FGF1: variants seen among roughly 807,000 people sequenced by gnomAD.
The protein encoded by FGF1 is fibroblast growth factor 1, also known as beta-endothelial cell growth factor.
A neutral mutation model predicts 13.4 loss-of-function variants in FGF1; 9 were observed. The ratio of observed to expected loss-of-function variants is 0.67; its 90% confidence interval spans 0.40 to 1.17. The LOEUF (loss-of-function observed/expected upper bound fraction) is 1.17. FGF1 is among the 50% of genes most tolerant of loss of function. The pLI is 0.01. For synonymous variants in FGF1, 93 were observed against 79.0 expected, an observed-to-expected ratio of 1.18 and a Z score of -0.94; for missense variants, 156 against 192.7, an observed-to-expected ratio of 0.81 and a Z score of 1.13.
intron 1 of FGF1, among the ~76,000 whole-genome samples, chr5:142,634,860 A>G (rs1057352588): frequency 6.7e-5 from 10 of 150,278 alleles, no homozygotes; most frequent in African/African-American, 2.0e-4. Flanking sequence ...TGCTTTGGTT[A>G]TTGCTTTTTT....
intron 2 of FGF1, among the ~76,000 whole-genome samples, chr5:142,696,925 C>T (rs983877269): frequency 3.3e-5 from 5 of 152,130 alleles, no homozygotes; most frequent in South Asian, 2.1e-4. Flanking sequence ...GTGATAGTGG[C>T]GTCTATCCAT....
Position 142,600,917 on chromosome 5 carries a change from C to G in FGF1, c.170-112G>C, listed in dbSNP as rs1025556451. The G allele has an allele frequency of 1.7e-4, 119 of 713,830 alleles. No individual in the cohort carries two copies. In the East Asian group the frequency reaches 2.8e-3, roughly 17 times the overall value. 44.2% of individuals were successfully genotyped at this position (713,830 alleles called of 1,614,324 possible). A position where few individuals can be genotyped will look rare whatever the true frequency, so the allele number is the denominator to read the frequency against. ...AATTCTGCTCATTCATTTCACGGAGCCCTCAGGGATGAGCCTCAGATTAAT... is the reference window on the plus strand; with the variant it reads ...AATTCTGCTCATTCATTTCACGGAGGCCTCAGGGATGAGCCTCAGATTAAT... On this transcript the variant is annotated intron_variant, in intron 2 of 3. Coordinates refer to ENST00000337706, the MANE Select transcript of FGF1 (RefSeq NM_000800.5).
intron 1 of FGF1, among the ~76,000 whole-genome samples, chr5:142,623,974 C>T (rs1411740813): frequency 6.6e-6 from 1 of 152,038 alleles, no homozygotes; most frequent in African/African-American, 2.4e-5. Flanking sequence ...GGCTGGAGTG[C>T]AATGGCACAA....
chr5:142,687,711 A>G (rs17216713), upstream of FGF1, among the ~76,000 whole-genome samples: 53 of 152,324 alleles, frequency 3.5e-4, no homozygotes, highest in East Asian at 6.2e-3. Context: ...GATAGACTTG[A>G]AAGTTAGAAA....
At chr5:142,651,594 G>A (rs1315311198) in intron 1 of FGF1, among the ~76,000 whole-genome samples, 2 of 152,028 alleles carry the variant, frequency 1.3e-5, no homozygotes, top group African/African-American at 4.8e-5. Flanking sequence ...TACCATTATC[G>A]TTTCCTACAG....
At chr5:142,693,209 T>C (rs993434071) in intron 2 of FGF1, among the ~76,000 whole-genome samples, 1 of 152,162 alleles carries the variant, frequency 6.6e-6, no homozygotes, top group African/African-American at 2.4e-5. Context: ...GCTTACAGGG[T>C]GAGATCACAT....
At chr5:142,678,939 G>T (rs971643446) in intron 1 of FGF1, among the ~76,000 whole-genome samples, 2 of 152,118 alleles carry the variant, frequency 1.3e-5, no homozygotes, top group Admixed American at 6.6e-5. Flanking sequence ...TTGAGGAGTG[G>T]CCTGGAACTT....
intron 3 of FGF1, among the ~76,000 whole-genome samples, chr5:142,599,757 T>C (rs1756085145): frequency 6.6e-6 from 1 of 152,200 alleles, no homozygotes; most frequent in Non-Finnish European, 1.5e-5. Context: ...CAAACCTGTA[T>C]AAAGCACTAG....
chr5:142,622,832 G>A (rs1177944754), intron 1 of FGF1, among the ~76,000 whole-genome samples: 2 of 152,220 alleles, frequency 1.3e-5, no homozygotes, highest in Non-Finnish European at 2.9e-5. Flanking sequence ...AGCCATGGCT[G>A]ATTGGCCTGG....
At chr5:142,600,353 C>A (rs1756235747) in intron 3 of FGF1, among the ~76,000 whole-genome samples, 2 of 151,934 alleles carry the variant, frequency 1.3e-5, no homozygotes, top group South Asian at 4.2e-4. Context: ...CAGAGCCAGA[C>A]CCTGTCTCAA....
At chr5:142,609,506 C>T (rs1265849315) in intron 2 of FGF1, among the ~76,000 whole-genome samples, 1 of 152,226 alleles carries the variant, frequency 6.6e-6, no homozygotes, top group Non-Finnish European at 1.5e-5. Context: ...ACTTGCCCTG[C>T]CAGAGGAGTG....
At chr5:142,682,059 G>C (rs961178278) in intron 1 of FGF1, among the ~76,000 whole-genome samples, 1 of 151,916 alleles carries the variant, frequency 6.6e-6, no homozygotes, top group African/African-American at 2.4e-5. Context: ...GGAACAAATG[G>C]ACTTGTAAGC....
At chr5:142,633,379 T>C (rs1242724074) in intron 1 of FGF1, among the ~76,000 whole-genome samples, 1 of 152,240 alleles carries the variant, frequency 6.6e-6, no homozygotes, top group African/African-American at 2.4e-5. Flanking sequence ...GTTCCATTTT[T>C]ATTCCTTGAC....
Position 142,592,358 on chromosome 5 carries a change from C to G in FGF1, c.*2932G>C. 2.5e-6 allele frequency: 1 copy of G among 398,562 alleles called. No homozygotes were observed. Among genetic ancestry groups the G allele is most frequent in the Non-Finnish European group, 4.4e-6 (1 of 226,022 alleles). The allele number at this position is 398,562 out of a possible 1,614,324, so 24.7% of individuals were successfully genotyped here. On this transcript the variant is annotated 3_prime_UTR_variant, in exon 4 of 4. Transcript: ENST00000337706. ...GCCTTGGGTTCCTTTGCCTCTGACA[C>G]AAAGCAAGGACCTTCAGTACTAGCT...
intron 2 of FGF1, 61 bp from the exon 3 acceptor site, chr5:142,600,866 G>T: frequency 8.0e-7 from 1 of 1,253,406 alleles, no homozygotes; most frequent in Non-Finnish European, 1.2e-6. Flanking sequence ...GATAGGACCC[G>T]GCAGCCAGGA....
intron 1 of FGF1, among the ~76,000 whole-genome samples, chr5:142,683,194 A>G (rs1246995723): frequency 6.6e-6 from 1 of 152,202 alleles, no homozygotes; most frequent in Non-Finnish European, 1.5e-5. Flanking sequence ...TGCATTAGCC[A>G]TGCACTGCTT....
chr5:142,677,178 A>G (rs1772779499), intron 1 of FGF1, among the ~76,000 whole-genome samples: 1 of 152,216 alleles, frequency 6.6e-6, no homozygotes, highest in Non-Finnish European at 1.5e-5. Context: ...GGATAAGAAG[A>G]GTCTCATTTT....
rs368631811 is a variant in FGF1, at chr5:142,602,435, A to G, written c.170-1630T>C. Among the ~76,000 whole-genome samples, 15 of 152,226 alleles carry G rather than the reference A, an allele frequency of 9.9e-5. No homozygotes were observed. In the South Asian group the frequency reaches 3.1e-3, roughly 32 times the overall value. On this transcript the variant is annotated intron_variant, in intron 2 of 3. Coordinates refer to ENST00000337706, the MANE Select transcript of FGF1 (RefSeq NM_000800.5). ...TATGCTCTGCCTGCCTCAGCCTCCC[A>G]AAGTGCTGGGATTACAGGTGTGAGC...
At chr5:142,666,276 TAATACA>T (rs1449953848) in intron 1 of FGF1, among the ~76,000 whole-genome samples, 1,264 of 81,604 alleles carry the variant, frequency 0.015, 24 homozygotes, top group Non-Finnish European at 0.016. Context: ...AAGGAGCATG[TAATACA>T]CACACACACA....
Sources: gnomAD v4.1 joint callset for allele counts (sites outside exome capture counted in the v4.1 genomes callset) on GRCh38, gnomAD v4.1.1 for gene constraint, MANE v1.5 for transcripts, NCBI Gene and HGNC (gene_info 2026-07-23, HGNC 2026-07-21) for gene names.